CRTC3: variants seen among roughly 807,000 people sequenced by gnomAD.
CRTC3 encodes the protein CREB regulated transcription coactivator 3.
In CRTC3, 26 loss-of-function variants were observed where a neutral mutation model predicts 74.5. The observed-to-expected ratio is 0.35, with a 90% CI of 0.26 to 0.48. CRTC3 has a LOEUF of 0.48. CRTC3 is among the 20% of genes least tolerant of loss of function. The probability of loss-of-function intolerance (pLI) is 0.99; values close to 1 mark genes in which losing one functional copy is unlikely to be tolerated. For missense variants in CRTC3, 760 were observed against 787.3 expected, an observed-to-expected ratio of 0.97 and a Z score of 0.41; for synonymous variants, 377 against 325.8, an observed-to-expected ratio of 1.16 and a Z score of -1.69.
intron 4 of CRTC3, among the ~76,000 whole-genome samples, chr15:90,603,316 G>A (rs538660167): frequency 5.3e-5 from 8 of 150,002 alleles, no homozygotes; most frequent in South Asian, 2.1e-4. Flanking sequence ...GGTGGCAGGC[G>A]CCTGTAGTCC....
intron 6 of CRTC3, among the ~76,000 whole-genome samples, chr15:90,610,100 AATT>A (rs1301088270): frequency 2.0e-5 from 3 of 152,172 alleles, no homozygotes; most frequent in African/African-American, 7.2e-5. Context: ...ATTTCTGGAG[AATT>A]ATATTTGTTG....
At chr15:90,630,002 G>A (rs1471762080) in intron 11 of CRTC3, among the ~76,000 whole-genome samples, 1 of 152,178 alleles carries the variant, frequency 6.6e-6, no homozygotes, top group Non-Finnish European at 1.5e-5. Context: ...GGGATTACAG[G>A]CATGAGCCAC....
chr15:90,644,852 A>C lies in CRTC3; in HGVS notation c.*2712A>C, dbSNP rs116111666. On this transcript the variant is annotated 3_prime_UTR_variant, in exon 15 of 15. Coordinates refer to ENST00000268184, the MANE Select transcript of CRTC3 (RefSeq NM_022769.5). ...TTTCATTATTTAGTTTTGTCACAAG[A>C]AATCGACCATTGTACTACTCTCACT... 2.5e-3 allele frequency: 582 copies of C among 232,454 alleles called. No individual in the cohort carries two copies. The highest frequency in any genetic ancestry group is 0.012 in the African/African-American group (548 of 45,444). 14.4% of individuals were successfully genotyped at this position (232,454 alleles called of 1,614,324 possible).
chr15:90,580,462 TC>T (rs1967512729), intron 2 of CRTC3, among the ~76,000 whole-genome samples: 1 of 151,160 alleles, frequency 6.6e-6, no homozygotes, highest in South Asian at 2.1e-4. Context: ...TCTTGCTCGC[TC>T]TGTCACCCAG....
chr15:90,545,431 G>A (rs977824253), intron 2 of CRTC3, among the ~76,000 whole-genome samples: 4 of 135,918 alleles, frequency 2.9e-5, no homozygotes, highest in African/African-American at 8.4e-5. Flanking sequence ...ACTGAATCTC[G>A]CTCTGTCGCC....
intron 2 of CRTC3, 97 bp downstream of exon 2, chr15:90,540,234 C>A: frequency 2.4e-6 from 2 of 818,062 alleles, no homozygotes; most frequent in South Asian, 1.7e-5. Flanking sequence ...ATAAGCTGGG[C>A]CTAGGTACAG....
chr15:90,544,196 C>CCTTA (rs1232625726), intron 2 of CRTC3, among the ~76,000 whole-genome samples: 4 of 152,178 alleles, frequency 2.6e-5, no homozygotes, highest in African/African-American at 9.7e-5. Flanking sequence ...CTGCGGCAGT[C>CCTTA]CTTAACTTGT....
chr15:90,566,165 T>G (rs1174211605), intron 2 of CRTC3, among the ~76,000 whole-genome samples: 3 of 152,124 alleles, frequency 2.0e-5, no homozygotes, highest in Admixed American at 6.6e-5. Flanking sequence ...AAAGCCTAAC[T>G]CTCTTCTGTT....
Position 90,552,858 on chromosome 15 carries a change from A to G in CRTC3, c.231+12721A>G, listed in dbSNP as rs550256585. On this transcript the variant is annotated intron_variant, in intron 2 of 14. Coordinates refer to ENST00000268184, the MANE Select transcript of CRTC3 (RefSeq NM_022769.5). Reference sequence around the variant, plus strand: ...TTCTGATCATGTGTAGTCATTCTTCATAGTTTGTGGCATAGTTCTTTGCTC... The same window carrying G: ...TTCTGATCATGTGTAGTCATTCTTCGTAGTTTGTGGCATAGTTCTTTGCTC... Among the ~76,000 whole-genome samples, 4 of 152,322 alleles carry G rather than the reference A, an allele frequency of 2.6e-5. No homozygotes were observed. The South Asian group carries it at 8.3e-4, about 32-fold the overall frequency.
chr15:90,621,757 TAAA>T (rs1279287052), intron 9 of CRTC3, among the ~76,000 whole-genome samples: 4 of 152,332 alleles, frequency 2.6e-5, no homozygotes, highest in Admixed American at 2.0e-4. Flanking sequence ...TGGAGAGTTT[TAAA>T]GCAGGTGTTT....
At chr15:90,604,665 C>A (rs950552859) in intron 5 of CRTC3, among the ~76,000 whole-genome samples, 2 of 152,086 alleles carry the variant, frequency 1.3e-5, no homozygotes, top group Non-Finnish European at 2.9e-5. Context: ...TGCTGTATGA[C>A]CTTGAGTAGA....
chr15:90,619,543 T>G (rs1430509249), intron 8 of CRTC3, among the ~76,000 whole-genome samples, 198 bp from the exon 9 acceptor site: 2 of 152,204 alleles, frequency 1.3e-5, no homozygotes, highest in Non-Finnish European at 2.9e-5. Context: ...TGTATTAATA[T>G]TATGCCTCCC....
intron 14 of CRTC3, 179 bp downstream of exon 14, chr15:90,641,378 G>A: frequency 1.7e-6 from 1 of 584,152 alleles, no homozygotes; most frequent in Non-Finnish European, 3.0e-6. Flanking sequence ...CAGGGCGGTG[G>A]GCCTGGTAGT....
chr15:90,610,470 T>A (rs1349206541), intron 6 of CRTC3, among the ~76,000 whole-genome samples: 1 of 152,178 alleles, frequency 6.6e-6, no homozygotes, highest in East Asian at 1.9e-4. Flanking sequence ...GAGTGGAGAT[T>A]TGTGTCACAA....
chr15:90,560,798 G>T (rs183744052), intron 2 of CRTC3, among the ~76,000 whole-genome samples: 14 of 152,316 alleles, frequency 9.2e-5, no homozygotes, highest in African/African-American at 3.4e-4. Flanking sequence ...ATTGCACCCT[G>T]CAGGTTCAGG....
At chr15:90,601,168 C>T (rs1027827456) in intron 3 of CRTC3, among the ~76,000 whole-genome samples, 4 of 152,146 alleles carry the variant, frequency 2.6e-5, no homozygotes, top group Non-Finnish European at 5.9e-5. Flanking sequence ...ATTAACTAAA[C>T]GAATGAAAAC....
In CRTC3 at chr15:90,545,617, C is replaced by T. The variant is rs999603567; in HGVS notation, c.231+5480C>T. Among the ~76,000 whole-genome samples, 3 of 151,904 alleles carry T rather than the reference C, an allele frequency of 2.0e-5. No individual in the cohort carries two copies. In the South Asian group the frequency reaches 6.2e-4, roughly 32 times the overall value. ...TTTGAGATGGAGTCTCACTCTTTCGCCCAGGCTGGAGTGCAGTGGCACGAT... is the reference window on the plus strand; with the variant it reads ...TTTGAGATGGAGTCTCACTCTTTCGTCCAGGCTGGAGTGCAGTGGCACGAT... On this transcript the variant is annotated intron_variant, in intron 2 of 14. Transcript: ENST00000268184.
chr15:90,573,978 A>T (rs972922265), intron 2 of CRTC3, among the ~76,000 whole-genome samples: 1 of 152,206 alleles, frequency 6.6e-6, no homozygotes, highest in African/African-American at 2.4e-5. Context: ...GACCATACAC[A>T]TGTCTGTACC....
intron 2 of CRTC3, among the ~76,000 whole-genome samples, chr15:90,589,423 T>C (rs1967746950): frequency 6.6e-6 from 1 of 152,140 alleles, no homozygotes; most frequent in South Asian, 2.1e-4. Context: ...TCAATCATAG[T>C]TCACTGTAGC....
Sources: allele counts gnomAD v4.1 joint callset (sites outside exome capture counted in the v4.1 genomes callset), GRCh38; gene constraint gnomAD v4.1.1; transcripts MANE v1.5; gene names NCBI Gene and HGNC (gene_info 2026-07-23, HGNC 2026-07-21).